MED27: variants seen among roughly 807,000 people sequenced by gnomAD.
The protein encoded by MED27 is mediator of RNA polymerase II transcription subunit 27.
In MED27, 30 loss-of-function variants were observed where a neutral mutation model predicts 38.2. The ratio of observed to expected loss-of-function variants is 0.79; its 90% CI spans 0.59 to 1.07. The LOEUF (loss-of-function observed/expected upper bound fraction) is 1.07. Among genes scored for constraint, MED27 ranks in the 50% least tolerant of loss-of-function variants. The probability of loss-of-function intolerance (pLI) is 0.00; values close to 1 mark genes in which losing one functional copy is unlikely to be tolerated. For synonymous variants in MED27, 122 were observed against 153.5 expected (o/e 0.79, Z 1.52); for missense variants, 289 against 397.5 (o/e 0.73, Z 2.32).
chr9:132,077,615 AC>A (rs1834081944), intron 1 of MED27, 29 bp from the exon 2 acceptor site: 1 of 1,613,108 alleles, frequency 6.2e-7, no homozygotes, highest in Non-Finnish European at 8.5e-7. Context: ...AGGCAAATAA[AC>A]CTAAGCCCAT....
At chr9:132,006,460 G>T (rs552346036) in intron 3 of MED27, among the ~76,000 whole-genome samples, 3 of 152,240 alleles carry the variant, frequency 2.0e-5, no homozygotes, top group East Asian at 3.9e-4. Context: ...AAATGAATCA[G>T]CATATAACCA....
chr9:131,993,868 A>G (rs1213337250), intron 3 of MED27, among the ~76,000 whole-genome samples: 1 of 152,040 alleles, frequency 6.6e-6, no homozygotes, highest in Admixed American at 6.6e-5. Context: ...CATGCACGTT[A>G]GGTGAACTGG....
intron 3 of MED27, among the ~76,000 whole-genome samples, chr9:131,993,034 G>A (rs1375241274): frequency 6.6e-6 from 1 of 152,094 alleles, no homozygotes; most frequent in African/African-American, 2.4e-5. Flanking sequence ...CGGGGTGCAA[G>A]CCCAAGAAAT....
chr9:132,025,065 T>C (rs1312131841), intron 2 of MED27, among the ~76,000 whole-genome samples: 2 of 151,892 alleles, frequency 1.3e-5, no homozygotes, highest in Non-Finnish European at 2.9e-5. Flanking sequence ...GTCAGGATTT[T>C]CCCACATAAA....
At chr9:132,070,105 C>A (rs1034158388) in intron 2 of MED27, among the ~76,000 whole-genome samples, 1 of 152,210 alleles carries the variant, frequency 6.6e-6, no homozygotes, top group Admixed American at 6.5e-5. Flanking sequence ...ACACGTTCTG[C>A]CACTCGTCCC....
chr9:131,944,529 T>A (rs1265404253), intron 3 of MED27, among the ~76,000 whole-genome samples: 2 of 140,386 alleles, frequency 1.4e-5, no homozygotes, highest in Non-Finnish European at 3.1e-5. Context: ...TGGTTTTTAG[T>A]CTTTTTTTTT....
At chr9:131,948,397 G>A (rs1830924675) in intron 3 of MED27, among the ~76,000 whole-genome samples, 1 of 151,676 alleles carries the variant, frequency 6.6e-6, no homozygotes, top group African/African-American at 2.4e-5. Flanking sequence ...TGAGGCACAA[G>A]AATCGCTTGA....
intron 2 of MED27, among the ~76,000 whole-genome samples, chr9:132,058,185 A>G (rs1355200066): frequency 6.6e-6 from 1 of 152,202 alleles, no homozygotes; most frequent in Non-Finnish European, 1.5e-5. Flanking sequence ...TGATTTTTCC[A>G]ATCTTTTTGT....
chr9:132,060,236 G>C (rs572255982), intron 2 of MED27, among the ~76,000 whole-genome samples: 1 of 152,282 alleles, frequency 6.6e-6, no homozygotes, highest in East Asian at 1.9e-4. Context: ...CCCCTGTTTT[G>C]GGGGAGGCAG....
intron 3 of MED27, among the ~76,000 whole-genome samples, chr9:132,009,828 T>C (rs1312308205): frequency 2.0e-5 from 3 of 152,220 alleles, no homozygotes; most frequent in Non-Finnish European, 4.4e-5. Context: ...ATTTCGGTGT[T>C]TTATAAGGGG....
At chr9:132,032,220 A>G (rs1832979270) in intron 2 of MED27, 1 of 152,208 alleles carries the variant, frequency 6.6e-6, no homozygotes, top group African/African-American at 2.4e-5. Context: ...AAGCTGAAAA[A>G]CCATAGAAAA....
chr9:131,938,143 C>T (rs575318730), intron 4 of MED27, among the ~76,000 whole-genome samples: 5 of 152,192 alleles, frequency 3.3e-5, no homozygotes, highest in South Asian at 2.1e-4. Flanking sequence ...GACCAAAACA[C>T]GCACGCACAC....
intron 4 of MED27, among the ~76,000 whole-genome samples, chr9:131,910,487 G>A (rs572561450): frequency 9.2e-5 from 14 of 152,178 alleles, no homozygotes; most frequent in Admixed American, 5.2e-4. Flanking sequence ...GGGTGCCAGT[G>A]AAATAACATA....
intron 6 of MED27, among the ~76,000 whole-genome samples, chr9:131,866,424 G>A (rs1838737451): frequency 6.6e-6 from 1 of 152,256 alleles, no homozygotes; most frequent in Admixed American, 6.5e-5. Context: ...CCAGAGGCCT[G>A]AGCCAGAAAC....
At chr9:132,025,449 T>G (rs1356563534) in intron 2 of MED27, among the ~76,000 whole-genome samples, 1 of 152,230 alleles carries the variant, frequency 6.6e-6, no homozygotes, top group African/African-American at 2.4e-5. Flanking sequence ...CCCAAAGTGT[T>G]GGGATTACAG....
intron 3 of MED27, among the ~76,000 whole-genome samples, chr9:131,950,649 A>C (rs958173078): frequency 6.6e-6 from 1 of 152,236 alleles, no homozygotes; most frequent in African/African-American, 2.4e-5. Flanking sequence ...ATGCACACTC[A>C]GAGTCAGAAA....
At chr9:132,054,409 G>C (rs1402970997) in intron 2 of MED27, among the ~76,000 whole-genome samples, 1 of 152,128 alleles carries the variant, frequency 6.6e-6, no homozygotes, top group African/African-American at 2.4e-5. Flanking sequence ...GCAGAACGGT[G>C]AACCAATTAA....
intron 2 of MED27, among the ~76,000 whole-genome samples, chr9:132,035,447 G>C (rs536170918): frequency 2.2e-4 from 33 of 152,122 alleles, no homozygotes; most frequent in Non-Finnish European, 5.9e-5. Flanking sequence ...ACAACATGCA[G>C]GATGTTCAGT....
chr9:131,928,204 C>T (rs565877594), intron 4 of MED27, among the ~76,000 whole-genome samples: 1 of 152,306 alleles, frequency 6.6e-6, no homozygotes, highest in Non-Finnish European at 1.5e-5. Context: ...AAAATGCCGT[C>T]TTTCCCTACT....
Sources: gnomAD v4.1 joint callset for allele counts (sites outside exome capture counted in the v4.1 genomes callset) on GRCh38, gnomAD v4.1.1 for gene constraint, MANE v1.5 for transcripts, NCBI Gene and HGNC (gene_info 2026-07-23, HGNC 2026-07-21) for gene names.